Variants in PDE1A observed in about 807,000 individuals in gnomAD.
PDE1A encodes the protein phosphodiesterase 1A.
Under a neutral mutation model 61.7 loss-of-function variants are expected in PDE1A, and 35 were observed. The ratio of observed to expected loss-of-function variants is 0.57; its 90% confidence interval spans 0.43 to 0.75. The LOEUF (loss-of-function observed/expected upper bound fraction) is 0.75, where lower values mean the gene tolerates loss of function less well. Ranked by LOEUF, PDE1A falls within the 30% of genes least tolerant of loss-of-function variation. The pLI is 0.00. For missense variants in PDE1A, 597 were observed against 630.6 expected (o/e 0.95, Z 0.57); for synonymous variants, 232 against 213.2 (o/e 1.09, Z -0.77).
chr2:182,615,466 C>T, the PDE1A span, among the ~76,000 whole-genome samples: 856 of 152,070 alleles, frequency 5.6e-3, 8 homozygotes, highest in East Asian at 0.04. Context: ...TAGGAAAAAC[C>T]CAGAAACAAT....
At chr2:182,381,173 CT>C (rs557957021) in intron 1 of PDE1A, among the ~76,000 whole-genome samples, 3,018 of 142,606 alleles carry the variant, frequency 0.021, 24 homozygotes, top group Middle Eastern at 0.037. Context: ...TGAATGTGTA[CT>C]TTTTTTTTTT....
chr2:182,371,181 A>G (rs368295890), intron 1 of PDE1A, among the ~76,000 whole-genome samples: 15 of 152,178 alleles, frequency 9.9e-5, no homozygotes, highest in Admixed American at 7.9e-4. Flanking sequence ...GACTACGAAA[A>G]AAGTAGTTAT....
chr2:182,443,156 C>T (rs1684900993), intron 2 of PDE1A, among the ~76,000 whole-genome samples: 1 of 151,750 alleles, frequency 6.6e-6, no homozygotes, highest in African/African-American at 2.4e-5. Flanking sequence ...ACATATAAAA[C>T]TTTCTACCTC....
At chr2:182,623,107 T>C in the PDE1A span, among the ~76,000 whole-genome samples, 4 of 152,156 alleles carry the variant, frequency 2.6e-5, no homozygotes, top group Non-Finnish European at 4.4e-5. Context: ...ACTATCTATG[T>C]GCATAAGTTG....
At chr2:182,560,749 T>C in the PDE1A span, among the ~76,000 whole-genome samples, 9 of 151,942 alleles carry the variant, frequency 5.9e-5, no homozygotes, top group Non-Finnish European at 7.4e-5. Context: ...TTTTAATGAT[T>C]GCCATTCTAA....
intron 1 of PDE1A, among the ~76,000 whole-genome samples, chr2:182,293,176 TAAG>T (rs1694651217): frequency 6.6e-6 from 1 of 152,040 alleles, no homozygotes; most frequent in African/African-American, 2.4e-5. Flanking sequence ...AAGAATTATT[TAAG>T]AATTACAAGC....
At chr2:182,465,175 T>C (rs906973720) in intron 2 of PDE1A, among the ~76,000 whole-genome samples, 4 of 152,144 alleles carry the variant, frequency 2.6e-5, no homozygotes, top group Admixed American at 6.6e-5. Context: ...GTAATAATAA[T>C]TTAATGGGAG....
At position 182,284,223 on chromosome 2, in the gene PDE1A, T is replaced by C. The variant is rs1694012627; in HGVS notation, c.54-19809A>G. On this transcript the variant is annotated intron_variant, in intron 1 of 13. Coordinates refer to ENST00000351439, the Ensembl canonical transcript of PDE1A. Reference sequence around the variant, plus strand: ...TGAGGAGTCTGTGTCTTACAATACATGAAAGATTTCAAGAAATTGTCAGAT... The same window carrying C: ...TGAGGAGTCTGTGTCTTACAATACACGAAAGATTTCAAGAAATTGTCAGAT... 2.6e-5 allele frequency among the ~76,000 whole-genome samples: 4 copies of C among 152,162 alleles called. No individual in the cohort carries two copies. The South Asian group carries it at 8.3e-4, about 32-fold the overall frequency.
chr2:182,627,100 T>C, the PDE1A span, among the ~76,000 whole-genome samples: 2 of 50,708 alleles, frequency 3.9e-5, 1 homozygote, highest in Non-Finnish European at 7.2e-5. Flanking sequence ...ATATTATGTA[T>C]ATATAAAATA....
chr2:182,449,049 TACACACACACAC>T (rs200893342), intron 2 of PDE1A, among the ~76,000 whole-genome samples: 13 of 90,510 alleles, frequency 1.4e-4, no homozygotes, highest in Non-Finnish European at 2.5e-4. Context: ...ATCATACACA[TACACACACACAC>T]ACACACACAC....
At position 182,389,652 on chromosome 2, in the gene PDE1A, G is replaced by A. The variant is rs74466157; in HGVS notation, c.53+36926C>T. On this transcript the variant is annotated intron_variant, in intron 1 of 13. Coordinates refer to ENST00000351439, the Ensembl canonical transcript of PDE1A. ...ACAAAAGACAGTGTGATGGTTAATA[G>A]TGTCAACTTCATTGGATTGAAGGAT... Among the ~76,000 whole-genome samples, 181 of 152,328 alleles carry A rather than the reference G, an allele frequency of 1.2e-3. 6 individuals carry two copies. In the East Asian group the frequency reaches 0.031, roughly 26 times the overall value.
chr2:182,414,672 TGAA>T (rs746596149), intron 1 of PDE1A, among the ~76,000 whole-genome samples: 4 of 151,698 alleles, frequency 2.6e-5, no homozygotes, highest in Non-Finnish European at 4.4e-5. Context: ...GACATCTAAA[TGAA>T]GAAAAAAAAA....
At chr2:182,514,934 G>T (rs772718504) in intron 2 of PDE1A, among the ~76,000 whole-genome samples, 1 of 152,108 alleles carries the variant, frequency 6.6e-6, no homozygotes. Context: ...GAATTCACAG[G>T]AATTCTGGTT....
chr2:182,428,193 G>T (rs1703733905), upstream of PDE1A, among the ~76,000 whole-genome samples: 1 of 152,106 alleles, frequency 6.6e-6, no homozygotes. Context: ...TTGCAAATAT[G>T]CCGGGCCACT....
At chr2:182,430,788 T>C (rs1703897853), upstream of PDE1A, among the ~76,000 whole-genome samples, 1 of 133,438 alleles carries the variant, frequency 7.5e-6, no homozygotes, top group Non-Finnish European at 1.6e-5. Flanking sequence ...TAAAAAATGA[T>C]GAGTTCATGT....
intron 2 of PDE1A, among the ~76,000 whole-genome samples, chr2:182,441,421 A>C (rs1684786945): frequency 6.6e-6 from 1 of 152,096 alleles, no homozygotes. Flanking sequence ...CAGATTGCTC[A>C]TGATTGGAGA....
At chr2:182,172,995 T>C (rs1378840546) in intron 13 of PDE1A, among the ~76,000 whole-genome samples, 2 of 151,972 alleles carry the variant, frequency 1.3e-5, no homozygotes, top group Non-Finnish European at 2.9e-5. Context: ...TCATGTGGGA[T>C]AGACACAATG....
At chr2:182,361,349 C>T (rs1288557685) in intron 1 of PDE1A, among the ~76,000 whole-genome samples, 2 of 152,020 alleles carry the variant, frequency 1.3e-5, no homozygotes. Flanking sequence ...CTCTAAACAC[C>T]TAAGTATCAT....
chr2:182,519,383 T>C (rs762637646), intron 2 of PDE1A, among the ~76,000 whole-genome samples: 3 of 151,986 alleles, frequency 2.0e-5, no homozygotes, highest in Non-Finnish European at 1.5e-5. Context: ...ATCTAAATTG[T>C]TGTACTGAGT....
Sources: allele counts gnomAD v4.1 joint callset (sites outside exome capture counted in the v4.1 genomes callset), GRCh38; gene constraint gnomAD v4.1.1; transcripts MANE v1.5; gene names NCBI Gene and HGNC (gene_info 2026-07-23, HGNC 2026-07-21).